The following ZDHHC21 variants were observed in gnomAD, a reference collection of about 807,000 sequenced individuals.
ZDHHC21 encodes zDHHC palmitoyltransferase 21.
Under a neutral mutation model 34.6 loss-of-function variants are expected in ZDHHC21, and 15 were observed. The observed-to-expected ratio is 0.43, with a 90% confidence interval of 0.29 to 0.67. The LOEUF (loss-of-function observed/expected upper bound fraction) is 0.67. ZDHHC21 is among the 30% of genes least tolerant of loss of function. The probability of loss-of-function intolerance (pLI) is 0.14; values close to 1 mark genes in which losing one functional copy is unlikely to be tolerated. For missense variants in ZDHHC21, 344 were observed against 327.7 expected (o/e 1.05, Z -0.38); for synonymous variants, 142 against 101.8 (o/e 1.40, Z -2.38).
chr9:14,640,088 T>C (rs1041305021), intron 7 of ZDHHC21, 76 bp from the exon 8 acceptor site: 5 of 757,972 alleles, frequency 6.6e-6, no homozygotes, highest in Non-Finnish European at 8.7e-6. Context: ...TAATCAAGAA[T>C]TGAGCCATAA....
rs755850564 is a variant in ZDHHC21, at chr9:14,658,816, G to C, written c.437C>G (p.Thr146Ser). 6.2e-7 allele frequency: 1 copy of C among 1,613,838 alleles called. No individual in the cohort carries two copies. The highest frequency in any genetic ancestry group is 1.1e-5 in the South Asian group (1 of 91,066). The change falls in exon 7 of 10, where the codon ACT becomes AGT. Residue 146 changes from threonine (T) to serine (S), a missense_variant. Coordinates refer to ENST00000380916, the MANE Select transcript of ZDHHC21 (RefSeq NM_178566.6). ...LQLCFYTELL[T>S]CYALMFSFCH... ...GAAAGAAAACATCAGTGCGTAGCAA[G>C]TAAGAAGTTCAGTGTAGAAACACAA... is the stretch of plus-strand genomic sequence containing the variant.
In ZDHHC21 at chr9:14,662,899, G is replaced by A. The variant is rs1370564353; in HGVS notation, c.254-573C>T. 5.9e-5 allele frequency among the ~76,000 whole-genome samples: 9 copies of A among 152,138 alleles called. No homozygotes were observed. The East Asian group carries it at 1.7e-3, about 29-fold the overall frequency. ...GTGTGTATGGGACAGGTTAGAGAAG[G>A]ATGTCATATGGGTTTGGGAGGTATC... On this transcript the variant is annotated intron_variant, in intron 5 of 9. Coordinates refer to ENST00000380916, the MANE Select transcript of ZDHHC21 (RefSeq NM_178566.6).
intron 3 of ZDHHC21, among the ~76,000 whole-genome samples, chr9:14,675,357 G>A (rs570664364): frequency 9.9e-5 from 15 of 151,890 alleles, no homozygotes; most frequent in South Asian, 2.1e-4. Context: ...CTAGGACAAC[G>A]GTTCTCTAGC....
intron 4 of ZDHHC21, among the ~76,000 whole-genome samples, chr9:14,673,722 T>C (rs1167224099): frequency 7.3e-6 from 1 of 136,822 alleles, no homozygotes; most frequent in Non-Finnish European, 1.6e-5. Flanking sequence ...CAATTTATTT[T>C]AATCATAAGC....
At chr9:14,601,837 T>A in the ZDHHC21 span, among the ~76,000 whole-genome samples, 1 of 152,178 alleles carries the variant, frequency 6.6e-6, no homozygotes, top group East Asian at 1.9e-4. Flanking sequence ...TGAGTTCATG[T>A]CCTTTGCAGG....
chr9:14,654,016 C>T (rs1286976875), intron 7 of ZDHHC21, among the ~76,000 whole-genome samples: 5 of 151,982 alleles, frequency 3.3e-5, no homozygotes, highest in Admixed American at 3.3e-4. Flanking sequence ...ATATATTCTG[C>T]ACTGCTTTTT....
At chr9:14,662,367 G>A in intron 5 of ZDHHC21, 41 bp from the exon 6 acceptor site, 1 of 1,442,426 alleles carries the variant, frequency 6.9e-7, no homozygotes, top group Middle Eastern at 1.8e-4. Context: ...GAAGGCAAGT[G>A]GGTAATGCTG....
chr9:14,622,366 C>T (rs1464160688), intron 8 of ZDHHC21, among the ~76,000 whole-genome samples: 1 of 150,676 alleles, frequency 6.6e-6, no homozygotes, highest in African/African-American at 2.4e-5. Context: ...ATTATGTTGA[C>T]TATTACCACT....
chr9:14,636,112 C>G (rs533042327), intron 8 of ZDHHC21, among the ~76,000 whole-genome samples: 13 of 152,208 alleles, frequency 8.5e-5, no homozygotes, highest in African/African-American at 3.1e-4. Flanking sequence ...AACATATAGA[C>G]TTTCTGAATG....
Position 14,618,940 on chromosome 9 carries a change from C to T in ZDHHC21, c.*26G>A. ...TGTAACGCATTGCCAGCATGGAGGA[C>T]CCATCTGTGCCCACCATCCATCTGT... is the stretch of plus-strand genomic sequence containing the variant. On this transcript the variant is annotated 3_prime_UTR_variant, in exon 10 of 10. Coordinates refer to ENST00000380916, the MANE Select transcript of ZDHHC21 (RefSeq NM_178566.6). The T allele has an allele frequency of 1.3e-6, 2 of 1,561,188 alleles. No individual in the cohort carries two copies. Among genetic ancestry groups the T allele is most frequent in the Non-Finnish European group, 1.7e-6 (2 of 1,153,046 alleles).
the ZDHHC21 span, among the ~76,000 whole-genome samples, chr9:14,603,591 C>T: frequency 6.6e-5 from 10 of 152,200 alleles, no homozygotes; most frequent in East Asian, 1.5e-3. Flanking sequence ...TTTACATAAA[C>T]GCAACCAAAG....
intron 2 of ZDHHC21, among the ~76,000 whole-genome samples, chr9:14,680,817 G>C (rs1837247596): frequency 6.6e-6 from 1 of 152,168 alleles, no homozygotes; most frequent in South Asian, 2.1e-4. Context: ...AGTAAGACAA[G>C]TTAAGACAGA....
intron 7 of ZDHHC21, among the ~76,000 whole-genome samples, chr9:14,658,504 G>A (rs1177390910): frequency 2.9e-5 from 3 of 104,140 alleles, no homozygotes; most frequent in Admixed American, 1.6e-4. Context: ...ACGGAGTCTC[G>A]CTGTCGCCCA....
rs933810072 is a variant in ZDHHC21 at position 14,619,703 on chromosome 9, T to C, written c.622-21A>G. 5.6e-6 allele frequency: 7 copies of C among 1,260,678 alleles called. No individual in the cohort carries two copies. In the African/African-American group the frequency reaches 6.1e-5, roughly 11 times the overall value. The allele number at this position is 1,260,678 out of a possible 1,614,324, so 78.1% of individuals were successfully genotyped here. On this transcript the variant is annotated intron_variant, in intron 8 of 9. Coordinates refer to ENST00000380916, the MANE Select transcript of ZDHHC21 (RefSeq NM_178566.6). The stretch of plus-strand genomic sequence containing the variant: ...GTATCCTATTAAAAATAAAAAATTA[T>C]ATTCAGATGTAAGAAAGTTATTAAG...
intron 1 of ZDHHC21, among the ~76,000 whole-genome samples, chr9:14,692,898 A>AAAATAAAT (rs569015104): frequency 6.6e-6 from 1 of 152,076 alleles, no homozygotes; most frequent in South Asian, 2.1e-4. Context: ...ATACAGATTT[A>AAAATAAAT]AAATAAATAA....
downstream of ZDHHC21, among the ~76,000 whole-genome samples, chr9:14,609,663 G>GT (rs1357079910): frequency 2.0e-5 from 3 of 152,018 alleles, no homozygotes; most frequent in Middle Eastern, 3.2e-3. Flanking sequence ...GACAAGACCA[G>GT]TGGTAATATT....
intron 2 of ZDHHC21, among the ~76,000 whole-genome samples, chr9:14,681,506 C>A (rs971191261): frequency 6.6e-6 from 1 of 152,086 alleles, no homozygotes; most frequent in African/African-American, 2.4e-5. Context: ...TTGGATTTCA[C>A]CTGGAACACA....
intron 7 of ZDHHC21, among the ~76,000 whole-genome samples, chr9:14,653,705 A>T (rs1831663224): frequency 6.6e-6 from 1 of 151,996 alleles, no homozygotes. Context: ...GCACAACTCC[A>T]CAGGATACTG....
At chr9:14,670,567 G>C (rs1024573263) in intron 5 of ZDHHC21, among the ~76,000 whole-genome samples, 2 of 152,092 alleles carry the variant, frequency 1.3e-5, no homozygotes, top group East Asian at 3.9e-4. Flanking sequence ...CCATAAAGCT[G>C]AAAATATTTA....
Sources: allele counts gnomAD v4.1 joint callset (sites outside exome capture counted in the v4.1 genomes callset), GRCh38; gene constraint gnomAD v4.1.1; transcripts MANE v1.5; gene names NCBI Gene and HGNC (gene_info 2026-07-23, HGNC 2026-07-21).